Variants in CRIM1 observed in about 807,000 individuals in gnomAD.
CRIM1 encodes the protein cysteine-rich motor neuron 1 protein.
In CRIM1, 32 loss-of-function variants were observed where a neutral mutation model predicts 116.4. The ratio of observed to expected loss-of-function variants is 0.27; its 90% CI spans 0.21 to 0.37. The LOEUF is 0.37. Among genes scored for constraint, CRIM1 ranks in the 10% least tolerant of loss-of-function variants. CRIM1 has a pLI of 1.00. For synonymous variants in CRIM1, 590 were observed against 509.2 expected, an observed-to-expected ratio of 1.16 and a Z score of -2.13; for missense variants, 1,331 against 1,354.8, an observed-to-expected ratio of 0.98 and a Z score of 0.28.
intron 14 of CRIM1, among the ~76,000 whole-genome samples, chr2:36,538,734 G>T (rs1666731994): frequency 6.6e-6 from 1 of 152,056 alleles, no homozygotes; most frequent in Non-Finnish European, 1.5e-5. Flanking sequence ...CCTTCAGTTG[G>T]GTTCTCTTTA....
At chr2:36,545,759 TTA>T (rs1667280178) in intron 15 of CRIM1, among the ~76,000 whole-genome samples, 1 of 152,114 alleles carries the variant, frequency 6.6e-6, no homozygotes, top group African/African-American at 2.4e-5. Context: ...CTTCCTTAAT[TTA>T]TATCTTATTC....
intron 2 of CRIM1, among the ~76,000 whole-genome samples, chr2:36,420,039 T>C (rs550189986): frequency 1.4e-4 from 21 of 152,322 alleles, no homozygotes; most frequent in African/African-American, 5.1e-4. Context: ...TTTCCTCTTA[T>C]TGTTTTCTGT....
At chr2:36,363,520 G>A (rs1669372319) in intron 1 of CRIM1, among the ~76,000 whole-genome samples, 1 of 106,384 alleles carries the variant, frequency 9.4e-6, no homozygotes, top group African/African-American at 3.5e-5. Flanking sequence ...GAATTCAGCA[G>A]TCGTCGCCGC....
At chr2:36,424,107 A>G (rs1674275906) in intron 2 of CRIM1, among the ~76,000 whole-genome samples, 1 of 152,254 alleles carries the variant, frequency 6.6e-6, no homozygotes, top group Non-Finnish European at 1.5e-5. Flanking sequence ...ACAAAAATGT[A>G]TGAAACTCAG....
intron 2 of CRIM1, among the ~76,000 whole-genome samples, chr2:36,431,579 T>G (rs1674893549): frequency 6.6e-6 from 1 of 152,212 alleles, no homozygotes; most frequent in African/African-American, 2.4e-5. Flanking sequence ...GTCTTTAAAA[T>G]CACGTAAGAT....
chr2:36,476,776 C>T, intron 5 of CRIM1, 113 bp from the exon 6 acceptor site: 2 of 780,304 alleles, frequency 2.6e-6, no homozygotes, highest in South Asian at 3.5e-5. Context: ...GAGTAAATTT[C>T]CATCAACTTA....
Position 36,511,035 on chromosome 2 carries a change from CACCTCA to C in CRIM1, c.1658+897_1658+902del, listed in dbSNP as rs954964686. 1.8e-4 allele frequency among the ~76,000 whole-genome samples: 28 copies of C among 151,808 alleles called. 1 individual carries two copies. The highest frequency in any genetic ancestry group is 9.7e-4 in the East Asian group (5 of 5,162). On this transcript the variant is annotated intron_variant, in intron 9 of 16. Transcript: ENST00000280527. ...CAACCTCCCAGGCTGTCAGTCCTCC[CACCTCA>C]GCCTCAGCCTCAGCCTCAGCCTCCC...
intron 5 of CRIM1, among the ~76,000 whole-genome samples, chr2:36,471,222 A>T (rs1049919502): frequency 2.0e-5 from 3 of 152,226 alleles, no homozygotes; most frequent in Non-Finnish European, 4.4e-5. Context: ...AACGACAACC[A>T]GGGATTTAGA....
intron 1 of CRIM1, among the ~76,000 whole-genome samples, chr2:36,373,333 T>C (rs1227353303): frequency 1.3e-5 from 2 of 152,186 alleles, no homozygotes; most frequent in African/African-American, 4.8e-5. Context: ...ACAGTTCTTG[T>C]AACTGAAAAA....
At chr2:36,393,599 G>A (rs769798526) in intron 1 of CRIM1, among the ~76,000 whole-genome samples, 1 of 152,130 alleles carries the variant, frequency 6.6e-6, no homozygotes, top group Non-Finnish European at 1.5e-5. Flanking sequence ...GGGACAACAG[G>A]TCTGTGCAGA....
chr2:36,548,148 C>T (rs527882462), intron 16 of CRIM1, among the ~76,000 whole-genome samples: 2 of 152,294 alleles, frequency 1.3e-5, no homozygotes, highest in Admixed American at 6.5e-5. Flanking sequence ...TAGTGTTGTA[C>T]AGTCTGAGTG....
chr2:36,407,483 G>A (rs562106549), intron 2 of CRIM1, among the ~76,000 whole-genome samples: 40 of 152,128 alleles, frequency 2.6e-4, no homozygotes, highest in African/African-American at 5.3e-4. Context: ...GTTTTAAATC[G>A]TTGTTCTGAT....
intron 1 of CRIM1, among the ~76,000 whole-genome samples, chr2:36,358,366 A>G (rs1409605806): frequency 2.0e-5 from 3 of 152,246 alleles, no homozygotes; most frequent in Non-Finnish European, 4.4e-5. Context: ...TGAAAAGAAC[A>G]GGCGACATGA....
At chr2:36,475,465 T>G (rs1678898555) in intron 5 of CRIM1, among the ~76,000 whole-genome samples, 1 of 152,250 alleles carries the variant, frequency 6.6e-6, no homozygotes, top group South Asian at 2.1e-4. Context: ...TTATACATTC[T>G]GATAGTTTTT....
chr2:36,498,565 GT>G (rs1402637528), intron 7 of CRIM1, among the ~76,000 whole-genome samples: 1 of 152,142 alleles, frequency 6.6e-6, no homozygotes, highest in Non-Finnish European at 1.5e-5. Flanking sequence ...GTCTTGCTTT[GT>G]TTAGTGCCCT....
intron 1 of CRIM1, among the ~76,000 whole-genome samples, chr2:36,393,193 C>A (rs951870071): frequency 1.3e-5 from 2 of 152,092 alleles, no homozygotes; most frequent in African/African-American, 2.4e-5. Context: ...TAGAGCTGAA[C>A]GGGGGGAAGA....
chr2:36,530,051 G>C (rs1030744064), intron 13 of CRIM1, among the ~76,000 whole-genome samples: 3 of 152,056 alleles, frequency 2.0e-5, no homozygotes, highest in African/African-American at 7.2e-5. Context: ...TTTATTGGAA[G>C]CTAAAAGTTA....
intron 2 of CRIM1, among the ~76,000 whole-genome samples, chr2:36,403,459 A>C (rs1162375166): frequency 6.6e-6 from 1 of 152,210 alleles, no homozygotes; most frequent in Non-Finnish European, 1.5e-5. Context: ...TGGATAAATC[A>C]AGGAAGGTTT....
At chr2:36,533,666 A>G (rs1320352518) in intron 13 of CRIM1, among the ~76,000 whole-genome samples, 2 of 152,314 alleles carry the variant, frequency 1.3e-5, no homozygotes, top group African/African-American at 4.8e-5. Context: ...CTTTCTCATA[A>G]TATCATTTTA....
Sources: allele counts gnomAD v4.1 joint callset (sites outside exome capture counted in the v4.1 genomes callset), GRCh38; gene constraint gnomAD v4.1.1; transcripts MANE v1.5; gene names NCBI Gene and HGNC (gene_info 2026-07-23, HGNC 2026-07-21).